MARCHF3: variants seen among roughly 807,000 people sequenced by gnomAD.
MARCHF3 encodes membrane associated ring-CH-type finger 3.
A neutral mutation model predicts 24.2 loss-of-function variants in MARCHF3; 13 were observed. The observed-to-expected ratio is 0.54, with a 90% confidence interval of 0.35 to 0.85. The LOEUF (loss-of-function observed/expected upper bound fraction) is 0.85, where lower values mean the gene tolerates loss of function less well. Among genes scored for constraint, MARCHF3 ranks in the 40% least tolerant of loss-of-function variants. MARCHF3 has a pLI of 0.01. For synonymous variants in MARCHF3, 144 were observed against 137.3 expected, an observed-to-expected ratio of 1.05 and a Z score of -0.34; for missense variants, 276 against 325.0, an observed-to-expected ratio of 0.85 and a Z score of 1.16.
intron 1 of MARCHF3, among the ~76,000 whole-genome samples, chr5:127,025,418 C>G (rs2126866666): frequency 6.6e-6 from 1 of 152,060 alleles, no homozygotes; most frequent in Admixed American, 6.5e-5. Flanking sequence ...AAAACAGAAT[C>G]AATGCCCCCA....
intron 1 of MARCHF3, among the ~76,000 whole-genome samples, chr5:127,023,957 A>G (rs1752910759): frequency 6.6e-6 from 1 of 152,084 alleles, no homozygotes; most frequent in Non-Finnish European, 1.5e-5. Context: ...GCCATTTTCA[A>G]CTTCAAATGA....
intron 1 of MARCHF3, among the ~76,000 whole-genome samples, chr5:126,964,912 C>A (rs769198646): frequency 1.3e-5 from 2 of 151,702 alleles, no homozygotes; most frequent in African/African-American, 2.4e-5. Flanking sequence ...AATAGCCAGC[C>A]CTGTAGGTAG....
intron 3 of MARCHF3, among the ~76,000 whole-genome samples, chr5:126,881,269 C>T (rs1020009642): frequency 6.6e-6 from 1 of 152,062 alleles, no homozygotes; most frequent in Admixed American, 6.6e-5. Context: ...GAGTACTTTA[C>T]ATGGTACTAT....
At chr5:126,876,308 T>C (rs572572705) in intron 4 of MARCHF3, among the ~76,000 whole-genome samples, 1 of 152,344 alleles carries the variant, frequency 6.6e-6, no homozygotes, top group African/African-American at 2.4e-5. Flanking sequence ...TCCTTCATCA[T>C]AGGCACTCTT....
intron 1 of MARCHF3, among the ~76,000 whole-genome samples, chr5:127,023,828 TC>T (rs1752905330): frequency 6.6e-6 from 1 of 152,056 alleles, no homozygotes; most frequent in Non-Finnish European, 1.5e-5. Flanking sequence ...AGCTTCCCCT[TC>T]GTGCTGAACT....
chr5:126,979,896 C>T (rs989413048), intron 1 of MARCHF3, among the ~76,000 whole-genome samples: 2 of 140,044 alleles, frequency 1.4e-5, no homozygotes, highest in African/African-American at 2.7e-5. Context: ...TGAGGTGAGC[C>T]GAGATTGCAC....
chr5:126,890,647 A>G (rs1360830192), intron 3 of MARCHF3, among the ~76,000 whole-genome samples: 1,945 of 151,560 alleles, frequency 0.013, 45 homozygotes, highest in African/African-American at 0.045. Context: ...ATAGTATTCC[A>G]TGGTGTATAT....
intron 1 of MARCHF3, among the ~76,000 whole-genome samples, chr5:127,023,028 C>T (rs1222977243): frequency 6.6e-6 from 1 of 152,114 alleles, no homozygotes; most frequent in Non-Finnish European, 1.5e-5. Flanking sequence ...TACACATGGA[C>T]GCATGGTCTG....
At chr5:126,903,661 A>G (rs1026118208) in intron 3 of MARCHF3, among the ~76,000 whole-genome samples, 2 of 152,022 alleles carry the variant, frequency 1.3e-5, no homozygotes, top group Non-Finnish European at 2.9e-5. Context: ...TCTCTATATA[A>G]TCTATCTGTA....
At chr5:126,902,593 G>C (rs1298450105) in intron 3 of MARCHF3, among the ~76,000 whole-genome samples, 1 of 152,144 alleles carries the variant, frequency 6.6e-6, no homozygotes, top group Non-Finnish European at 1.5e-5. Flanking sequence ...TAAAAACACA[G>C]ACACTGAGCA....
intron 3 of MARCHF3, among the ~76,000 whole-genome samples, chr5:126,885,670 AG>A (rs1753490786): frequency 2.0e-5 from 3 of 152,226 alleles, no homozygotes; most frequent in Admixed American, 2.0e-4. Context: ...ATGATCTTAC[AG>A]TATTAGTTAG....
rs150499235 is a variant in MARCHF3, at chr5:126,945,111, A to G, written c.-56-26884T>C. On this transcript the variant is annotated intron_variant, in intron 1 of 4. Transcript: ENST00000308660. ...AACCCCTGTCATCAGAGATGACAAG[A>G]GAGGCATACAGTGGTGTGCCACAGC... Among the ~76,000 whole-genome samples the G allele has an allele frequency of 4.0e-3, 607 of 152,338 alleles. 5 individuals carry two copies. The highest frequency in any genetic ancestry group is 0.014 in the African/African-American group (590 of 41,570).
intron 3 of MARCHF3, among the ~76,000 whole-genome samples, chr5:126,885,221 T>G (rs896591585): frequency 6.6e-6 from 1 of 152,190 alleles, no homozygotes; most frequent in African/African-American, 2.4e-5. Flanking sequence ...TTTTGTTTAT[T>G]TCATATACCT....
At chr5:126,935,756 G>A (rs750763179) in intron 1 of MARCHF3, among the ~76,000 whole-genome samples, 6 of 151,422 alleles carry the variant, frequency 4.0e-5, no homozygotes, top group East Asian at 1.9e-4. Flanking sequence ...GATTACAGGC[G>A]CCTGCCACCA....
At chr5:126,988,430 A>G (rs189236032) in intron 1 of MARCHF3, among the ~76,000 whole-genome samples, 10 of 152,344 alleles carry the variant, frequency 6.6e-5, no homozygotes, top group African/African-American at 2.2e-4. Context: ...AACAAAACAG[A>G]AACACCAAAG....
chr5:126,878,266 C>G lies in MARCHF3; in HGVS notation c.522G>C (p.Leu174=). ...WLCLRGAVDH[L]HFSSRLEAVG... ...CGGCTTCCAGCCGACTACTAAAGTG[C>G]AGGTGGTCCACGGCGCCCCGCAGGC... The change falls in exon 4 of 5, where the codon CTG becomes CTC. Residue 174 remains leucine (L), a synonymous_variant. Coordinates refer to ENST00000308660, the MANE Select transcript of MARCHF3 (RefSeq NM_178450.5). The G allele has an allele frequency of 6.2e-7, 1 of 1,614,242 alleles. No homozygotes were observed.
chr5:126,949,333 C>T (rs189230282), intron 1 of MARCHF3, among the ~76,000 whole-genome samples: 1 of 152,244 alleles, frequency 6.6e-6, no homozygotes, highest in Non-Finnish European at 1.5e-5. Flanking sequence ...TATGAGGACA[C>T]CAAATGGCTG....
chr5:126,920,552 G>A (rs1429535271), intron 1 of MARCHF3, among the ~76,000 whole-genome samples: 2 of 152,112 alleles, frequency 1.3e-5, no homozygotes, highest in African/African-American at 4.8e-5. Context: ...CTATTTTCGG[G>A]TTTTGCATAA....
At chr5:126,979,768 G>A (rs200200079) in intron 1 of MARCHF3, among the ~76,000 whole-genome samples, 1 of 151,980 alleles carries the variant, frequency 6.6e-6, no homozygotes, top group Non-Finnish European at 1.5e-5. Context: ...GACCAACATG[G>A]AGAAACCCTG....
Sources: gnomAD v4.1 joint callset for allele counts (sites outside exome capture counted in the v4.1 genomes callset) on GRCh38, gnomAD v4.1.1 for gene constraint, MANE v1.5 for transcripts, NCBI Gene and HGNC (gene_info 2026-07-23, HGNC 2026-07-21) for gene names.